The following SPRED2 variants were observed in gnomAD, a reference collection of about 807,000 sequenced individuals.
SPRED2 encodes sprouty related EVH1 domain containing 2, also known as sprouty-related, EVH1 domain-containing protein 2.
In SPRED2, 47 loss-of-function variants were observed where a neutral mutation model predicts 43.0. That is an observed-to-expected ratio of 1.09 (90% CI 0.87 to 1.40). The LOEUF (loss-of-function observed/expected upper bound fraction) is 1.40, where lower values mean the gene tolerates loss of function less well. Ranked by LOEUF, SPRED2 falls within the 40% of genes most tolerant of loss-of-function variation. The probability of loss-of-function intolerance (pLI) is 0.00; values close to 1 mark genes in which losing one functional copy is unlikely to be tolerated. For missense variants in SPRED2, 561 were observed against 586.4 expected, an observed-to-expected ratio of 0.96 and a Z score of 0.45; for synonymous variants, 225 against 225.7, an observed-to-expected ratio of 1.00 and a Z score of 0.03.
chr2:65,359,362 G>C (rs1378071891), intron 1 of SPRED2, among the ~76,000 whole-genome samples: 1 of 152,202 alleles, frequency 6.6e-6, no homozygotes, highest in Non-Finnish European at 1.5e-5. Context: ...TAACACGTTA[G>C]TCTTAAAATA....
intron 5 of SPRED2, among the ~76,000 whole-genome samples, chr2:65,315,078 A>G (rs1673195906): frequency 6.6e-6 from 1 of 152,234 alleles, no homozygotes; most frequent in Non-Finnish European, 1.5e-5. Flanking sequence ...CCAGAGCAGC[A>G]GACACTGAAT....
chr2:65,312,143 T>A lies in SPRED2; in HGVS notation c.*1358A>T. The A allele has an allele frequency of 1.0e-6, 1 of 985,562 alleles. No homozygotes were observed. Among genetic ancestry groups the A allele is most frequent in the South Asian group, 4.7e-5 (1 of 21,286 alleles). 61.1% of individuals were successfully genotyped at this position (985,562 alleles called of 1,614,324 possible). ...CTTGCAACGTATTAGAAAAATACTC[T>A]TTTCCAGCTAATTAGAAGCCTCCTC... On this transcript the variant is annotated 3_prime_UTR_variant, in exon 6 of 6. Transcript: ENST00000356388.
intron 1 of SPRED2, among the ~76,000 whole-genome samples, chr2:65,420,235 G>GAAAAAAAAAAAAAAAAAAAAAAA (rs1558692335): frequency 7.0e-6 from 1 of 141,990 alleles, no homozygotes; most frequent in Admixed American, 7.1e-5. Context: ...AAAAAAAAAG[G>GAAAAAAAAAAAAAAAAAAAAAAA]AAAAATATGA....
chr2:65,394,691 G>A (rs1036537840), intron 1 of SPRED2, among the ~76,000 whole-genome samples: 4 of 152,100 alleles, frequency 2.6e-5, no homozygotes, highest in South Asian at 2.1e-4. Context: ...GCTACGGTAC[G>A]AAGATTGCTA....
chr2:65,337,845 A>G (rs1401864315), intron 2 of SPRED2, among the ~76,000 whole-genome samples: 1 of 152,228 alleles, frequency 6.6e-6, no homozygotes, highest in Admixed American at 6.5e-5. Context: ...TGAAGTATAA[A>G]TTAGAATTCT....
chr2:65,391,318 A>G (rs1363816182), intron 1 of SPRED2, among the ~76,000 whole-genome samples: 2 of 152,142 alleles, frequency 1.3e-5, no homozygotes, highest in South Asian at 2.1e-4. Flanking sequence ...TTAATATAAC[A>G]TAAAAGAATA....
downstream of SPRED2, among the ~76,000 whole-genome samples, chr2:65,309,557 A>G (rs1258518707): frequency 6.7e-6 from 1 of 149,868 alleles, no homozygotes; most frequent in Admixed American, 6.6e-5. Flanking sequence ...TGGGATGTGT[A>G]TAGGTTATAT....
Position 65,334,641 on chromosome 2 carries a change from T to A in SPRED2, c.337A>T (p.Arg113Trp). ...QSPADARAFD[R>W]GVRKAIEDLI... is the part of the protein sequence containing the mutation. The stretch of plus-strand genomic sequence containing the variant: ...TCTTCGATTGCTTTCCTTACTCCCC[T>A]GTCAAAGGCTCGGGCATCAGCAGGG... The change falls in exon 3 of 6, where the codon AGG (arginine) becomes TGG (tryptophan). Residue 113 changes from arginine (R) to tryptophan (W), a missense_variant. Physicochemically the swap from Arg to Trp is moderately radical, Grantham distance 101. Transcript: ENST00000356388. The A allele has an allele frequency of 1.2e-6, 2 of 1,614,250 alleles. No individual in the cohort carries two copies. The highest frequency in any genetic ancestry group is 1.7e-6 in the Non-Finnish European group (2 of 1,180,036).
intron 1 of SPRED2, among the ~76,000 whole-genome samples, chr2:65,405,676 C>T (rs1161888197): frequency 1.3e-5 from 2 of 152,178 alleles, no homozygotes; most frequent in African/African-American, 4.8e-5. Flanking sequence ...AGTGATACGG[C>T]ACTGCAATCC....
At chr2:65,399,614 T>A (rs182150042) in intron 1 of SPRED2, among the ~76,000 whole-genome samples, 12 of 151,976 alleles carry the variant, frequency 7.9e-5, no homozygotes, top group African/African-American at 2.9e-4. Context: ...AACTCCTGAG[T>A]TTGTGATCTG....
chr2:65,415,490 T>C (rs767236940), intron 1 of SPRED2, among the ~76,000 whole-genome samples: 77 of 152,322 alleles, frequency 5.1e-4, no homozygotes, highest in Admixed American at 2.9e-3. Flanking sequence ...ATTATTCCTG[T>C]TCCCTGCAAA....
intron 1 of SPRED2, among the ~76,000 whole-genome samples, chr2:65,398,124 A>C (rs1675799936): frequency 6.6e-6 from 1 of 152,206 alleles, no homozygotes; most frequent in Non-Finnish European, 1.5e-5. Context: ...AGCAAACAAA[A>C]ACTTAAAGCA....
At chr2:65,339,424 A>AC (rs1674112379) in intron 2 of SPRED2, among the ~76,000 whole-genome samples, 1 of 150,812 alleles carries the variant, frequency 6.6e-6, no homozygotes, top group Non-Finnish European at 1.5e-5. Context: ...CTATGACCTT[A>AC]CCCCCAACCC....
chr2:65,377,777 G>A (rs34928603), intron 1 of SPRED2: 137 of 461,376 alleles, frequency 3.0e-4, no homozygotes, highest in Middle Eastern at 3.5e-4. Flanking sequence ...CTGTCAAAGC[G>A]GCAGTCCTCA....
chr2:65,377,159 A>T (rs1675259990), intron 1 of SPRED2, among the ~76,000 whole-genome samples: 1 of 152,224 alleles, frequency 6.6e-6, no homozygotes, highest in Non-Finnish European at 1.5e-5. Flanking sequence ...GTTAAAAATA[A>T]TCCTGTGATA....
At chr2:65,355,764 T>G (rs1002371656) in intron 1 of SPRED2, among the ~76,000 whole-genome samples, 5 of 152,176 alleles carry the variant, frequency 3.3e-5, no homozygotes, top group Non-Finnish European at 1.5e-5. Context: ...CTTCTGGAGT[T>G]CATAATTAAT....
chr2:65,336,717 A>G (rs531915493), intron 2 of SPRED2, among the ~76,000 whole-genome samples: 1 of 152,140 alleles, frequency 6.6e-6, no homozygotes, highest in East Asian at 1.9e-4. Flanking sequence ...AAAAACAAAG[A>G]CTCCTAGTTT....
intron 1 of SPRED2, among the ~76,000 whole-genome samples, chr2:65,357,985 A>T (rs551090558): frequency 1.3e-5 from 2 of 152,232 alleles, no homozygotes; most frequent in South Asian, 2.1e-4. Context: ...TTTGTGTTTT[A>T]AAAAAATGGC....
intron 1 of SPRED2, among the ~76,000 whole-genome samples, chr2:65,369,051 G>C (rs1675052923): frequency 6.6e-6 from 1 of 151,700 alleles, no homozygotes; most frequent in African/African-American, 2.4e-5. Context: ...CTCCAGCCTG[G>C]GTGATGGAGC....
Sources: gnomAD v4.1 joint callset for allele counts (sites outside exome capture counted in the v4.1 genomes callset) on GRCh38, gnomAD v4.1.1 for gene constraint, MANE v1.5 for transcripts, NCBI Gene and HGNC (gene_info 2026-07-23, HGNC 2026-07-21) for gene names.